LINGO2: variants seen among roughly 807,000 people sequenced by gnomAD.
The protein encoded by LINGO2 is leucine-rich repeat and immunoglobulin-like domain-containing nogo receptor-interacting protein 2.
LINGO2 carries 14 observed loss-of-function variants against 30.6 expected under a neutral mutation model. The ratio of observed to expected loss-of-function variants is 0.46; its 90% CI spans 0.30 to 0.72. LINGO2 has a LOEUF of 0.72. Among genes scored for constraint, LINGO2 ranks in the 30% least tolerant of loss-of-function variants. LINGO2 has a pLI of 0.07. For synonymous variants in LINGO2, 317 were observed against 288.5 expected (o/e 1.10, Z -1.00); for missense variants, 729 against 751.7 (o/e 0.97, Z 0.35).
the LINGO2 span, among the ~76,000 whole-genome samples, chr9:28,934,401 C>A: frequency 1.3e-5 from 2 of 152,128 alleles, no homozygotes; most frequent in Non-Finnish European, 2.9e-5. Flanking sequence ...TCAGATAATG[C>A]CAACTTTTAT....
At chr9:27,991,192 C>T (rs12003459) in intron 5 of LINGO2, among the ~76,000 whole-genome samples, 5,735 of 152,026 alleles carry the variant, frequency 0.038, 344 homozygotes, top group African/African-American at 0.13. Context: ...GGTACTCACA[C>T]TACTACATAA....
chr9:28,053,462 T>G (rs934157306), intron 4 of LINGO2, among the ~76,000 whole-genome samples: 30 of 152,144 alleles, frequency 2.0e-4, no homozygotes, highest in Non-Finnish European at 3.8e-4. Context: ...TGGTAGTTGT[T>G]TATTCACATC....
At chr9:29,016,035 T>C in the LINGO2 span, among the ~76,000 whole-genome samples, 3 of 152,190 alleles carry the variant, frequency 2.0e-5, no homozygotes, top group Non-Finnish European at 1.5e-5. Flanking sequence ...ATCCTTAATA[T>C]TGTGCCTTGC....
chr9:28,675,928 T>C, the LINGO2 span, among the ~76,000 whole-genome samples: 10 of 135,678 alleles, frequency 7.4e-5, no homozygotes, highest in Admixed American at 4.6e-4. Flanking sequence ...TATATATACA[T>C]ACACACACAC....
chr9:28,024,913 G>A (rs989711712), intron 4 of LINGO2, among the ~76,000 whole-genome samples: 1 of 152,150 alleles, frequency 6.6e-6, no homozygotes, highest in African/African-American at 2.4e-5. Flanking sequence ...ATTGGTGACT[G>A]TAGACTCTGG....
chr9:28,774,574 T>C, the LINGO2 span, among the ~76,000 whole-genome samples: 2 of 150,386 alleles, frequency 1.3e-5, no homozygotes, highest in East Asian at 1.9e-4. Context: ...TTAAAAGATA[T>C]CTTGTCAGCT....
At chr9:28,042,638 C>G (rs1563937659) in intron 4 of LINGO2, among the ~76,000 whole-genome samples, 1 of 152,086 alleles carries the variant, frequency 6.6e-6, no homozygotes, top group Admixed American at 6.6e-5. Flanking sequence ...CATCATGTGT[C>G]TTATGGAAAA....
intron 1 of LINGO2, among the ~76,000 whole-genome samples, chr9:28,647,931 G>T (rs1215568386): frequency 2.2e-5 from 3 of 137,110 alleles, no homozygotes; most frequent in Non-Finnish European, 4.6e-5. Flanking sequence ...ATAGCTTGTG[G>T]TTAATCAACC....
At chr9:28,644,567 T>A (rs1362335850) in intron 1 of LINGO2, among the ~76,000 whole-genome samples, 1 of 147,842 alleles carries the variant, frequency 6.8e-6, no homozygotes, top group African/African-American at 2.6e-5. Flanking sequence ...GTGGGAATGG[T>A]TAATGGGTGC....
Position 28,138,068 on chromosome 9 carries a change from A to C in LINGO2, c.-86-125663T>G, listed in dbSNP as rs757491747. ...AAGGTAGATATCATTCCTATTTTAT[A>C]GAATAAAAAAATCTGCCTCAGAAAA... is the stretch of plus-strand genomic sequence containing the variant. On this transcript the variant is annotated intron_variant, in intron 4 of 5. Coordinates refer to ENST00000379992, the Ensembl canonical transcript of LINGO2. 1.4e-3 allele frequency among the ~76,000 whole-genome samples: 210 copies of C among 152,212 alleles called. 1 individual carries two copies. The highest frequency in any genetic ancestry group is 2.3e-3 in the Non-Finnish European group (159 of 68,038).
intron 4 of LINGO2, among the ~76,000 whole-genome samples, chr9:28,119,667 C>G (rs186182409): frequency 6.6e-6 from 1 of 152,306 alleles, no homozygotes; most frequent in African/African-American, 2.4e-5. Flanking sequence ...TTACTCCCCT[C>G]TCCAGATTTA....
At chr9:29,198,342 G>A in the LINGO2 span, among the ~76,000 whole-genome samples, 1 of 152,138 alleles carries the variant, frequency 6.6e-6, no homozygotes, top group African/African-American at 2.4e-5. Context: ...AGCATCCTTT[G>A]CAGCGTAAGT....
At chr9:28,138,910 T>C (rs868230569) in intron 4 of LINGO2, among the ~76,000 whole-genome samples, 22 of 152,250 alleles carry the variant, frequency 1.4e-4, no homozygotes, top group Middle Eastern at 3.4e-3. Context: ...AGTTCCAATA[T>C]GTAAGGACTG....
chr9:28,006,321 C>T (rs1218478339), intron 5 of LINGO2, among the ~76,000 whole-genome samples: 2 of 106,884 alleles, frequency 1.9e-5, no homozygotes, highest in Admixed American at 8.4e-5. Flanking sequence ...AGAAGAAATC[C>T]TTACCTAAGA....
At chr9:27,983,963 T>C (rs775560206) in intron 5 of LINGO2, among the ~76,000 whole-genome samples, 1 of 151,796 alleles carries the variant, frequency 6.6e-6, no homozygotes, top group Non-Finnish European at 1.5e-5. Context: ...TCCAGGGCTG[T>C]GCAGTGGAAG....
chr9:29,093,029 G>GTATATATATA, the LINGO2 span, among the ~76,000 whole-genome samples: 717 of 98,500 alleles, frequency 7.3e-3, 43 homozygotes, highest in African/African-American at 0.026. Context: ...TAATGTGTGT[G>GTATATATATA]TATATATATA....
chr9:28,523,358 T>C (rs945706617), intron 1 of LINGO2, among the ~76,000 whole-genome samples: 1 of 152,076 alleles, frequency 6.6e-6, no homozygotes, highest in Admixed American at 6.5e-5. Flanking sequence ...ACAGCTCATA[T>C]CATACTTAAT....
intron 4 of LINGO2, among the ~76,000 whole-genome samples, chr9:28,217,327 C>T (rs1464715968): frequency 2.0e-5 from 3 of 151,442 alleles, no homozygotes; most frequent in Non-Finnish European, 3.0e-5. Flanking sequence ...TTAAATAGTT[C>T]CTGTGCCTAT....
At chr9:29,211,346 G>C in the LINGO2 span, among the ~76,000 whole-genome samples, 1 of 152,106 alleles carries the variant, frequency 6.6e-6, no homozygotes, top group Admixed American at 6.5e-5. Flanking sequence ...TGCCCACTGA[G>C]CCCAAGGCAG....
Sources: gnomAD v4.1 joint callset for allele counts (sites outside exome capture counted in the v4.1 genomes callset) on GRCh38, gnomAD v4.1.1 for gene constraint, MANE v1.5 for transcripts, NCBI Gene and HGNC (gene_info 2026-07-23, HGNC 2026-07-21) for gene names.